STRBP: variants seen among roughly 807,000 people sequenced by gnomAD.
STRBP encodes spermatid perinuclear RNA-binding protein.
A neutral mutation model predicts 80.1 loss-of-function variants in STRBP; 13 were observed. That is an observed-to-expected ratio of 0.16 (90% confidence interval 0.11 to 0.26). The LOEUF is 0.26. Among genes scored for constraint, STRBP ranks in the 10% least tolerant of loss-of-function variants. STRBP has a pLI of 1.00. For missense variants in STRBP, 485 were observed against 815.2 expected, an observed-to-expected ratio of 0.59 and a Z score of 4.93; for synonymous variants, 284 against 291.2, an observed-to-expected ratio of 0.98 and a Z score of 0.25.
chr9:123,139,732 AC>A, intron 13 of STRBP, 45 bp from the exon 14 acceptor site: 1 of 1,580,044 alleles, frequency 6.3e-7, no homozygotes, highest in Non-Finnish European at 8.6e-7. Context: ...GACACGAGAA[AC>A]CAGAGAATAG....
intron 5 of STRBP, among the ~76,000 whole-genome samples, chr9:123,171,003 G>A (rs980534291): frequency 7.9e-5 from 12 of 151,938 alleles, no homozygotes; most frequent in Non-Finnish European, 1.6e-4. Context: ...GTAGGAAAGG[G>A]AAAACTCATT....
At chr9:123,232,901 C>T (rs1028354323) in intron 2 of STRBP, among the ~76,000 whole-genome samples, 1 of 152,126 alleles carries the variant, frequency 6.6e-6, no homozygotes, top group Admixed American at 6.5e-5. Flanking sequence ...AAATAAAACA[C>T]TACGTTTTTA....
intron 3 of STRBP, among the ~76,000 whole-genome samples, chr9:123,181,789 A>C (rs2038469076): frequency 7.0e-6 from 1 of 142,128 alleles, no homozygotes; most frequent in African/African-American, 2.7e-5. Context: ...AACAAGAGCA[A>C]AACTTCGTCT....
chr9:123,227,567 CTTTT>C (rs113678606), intron 2 of STRBP, among the ~76,000 whole-genome samples: 1 of 113,450 alleles, frequency 8.8e-6, no homozygotes, highest in Non-Finnish European at 1.9e-5. Flanking sequence ...TTTTTTTTTT[CTTTT>C]TTTTTTTTTT....
intron 13 of STRBP, among the ~76,000 whole-genome samples, chr9:123,144,071 G>A (rs555670522): frequency 4.0e-5 from 6 of 151,750 alleles, no homozygotes; most frequent in African/African-American, 1.2e-4. Context: ...GGTGGCAGTC[G>A]CCTGTAATCC....
At chr9:123,146,613 A>G (rs1022450856) in intron 13 of STRBP, among the ~76,000 whole-genome samples, 1 of 150,428 alleles carries the variant, frequency 6.6e-6, no homozygotes, top group African/African-American at 2.5e-5. Flanking sequence ...CTTTGCTTCA[A>G]AAATGTTCAA....
At chr9:123,142,784 T>G (rs1480190306) in intron 13 of STRBP, among the ~76,000 whole-genome samples, 2 of 152,190 alleles carry the variant, frequency 1.3e-5, no homozygotes, top group African/African-American at 4.8e-5. Flanking sequence ...CAGCTCTGGT[T>G]TTCTTTGGCA....
At chr9:123,169,005 G>A (rs1346309047) in intron 6 of STRBP, among the ~76,000 whole-genome samples, 1 of 151,184 alleles carries the variant, frequency 6.6e-6, no homozygotes, top group Admixed American at 6.6e-5. Flanking sequence ...ATGTTAACAG[G>A]GTCACAAACC....
Position 123,268,470 on chromosome 9 carries a change from G to A in STRBP, c.-336C>T. On this transcript the variant is annotated 5_prime_UTR_variant, in exon 1 of 19. Coordinates refer to ENST00000348403, the MANE Select transcript of STRBP (RefSeq NM_018387.5). ...CGCGCTCTGCCCGCGCCCGGTACCC[G>A]CTCCCGCTCCGCCGCCGCCGCCACC... 6.2e-6 allele frequency: 1 copy of A among 161,182 alleles called. No individual in the cohort carries two copies. 10.0% of individuals were successfully genotyped at this position (161,182 alleles called of 1,614,324 possible). A position where few individuals can be genotyped will look rare whatever the true frequency, so the allele number is the denominator to read the frequency against.
intron 11 of STRBP, among the ~76,000 whole-genome samples, chr9:123,153,571 G>T (rs2037151937): frequency 6.6e-6 from 1 of 152,184 alleles, no homozygotes; most frequent in Non-Finnish European, 1.5e-5. Flanking sequence ...GCAACTCAGA[G>T]AATCCTGGCC....
At chr9:123,171,317 G>C (rs1378943715) in intron 5 of STRBP, among the ~76,000 whole-genome samples, 1 of 152,158 alleles carries the variant, frequency 6.6e-6, no homozygotes, top group Non-Finnish European at 1.5e-5. Context: ...CTAGGAAAGA[G>C]TATGAAGAGA....
chr9:123,184,371 T>C (rs887099526), intron 2 of STRBP, 73 bp from the exon 3 acceptor site: 7 of 362,780 alleles, frequency 1.9e-5, no homozygotes, highest in Non-Finnish European at 2.5e-5. Context: ...GTGCAACCCA[T>C]AAACATGTTC....
chr9:123,125,840 T>G (rs922493453), intron 18 of STRBP, among the ~76,000 whole-genome samples, 167 bp from the exon 19 acceptor site: 2 of 152,258 alleles, frequency 1.3e-5, no homozygotes, highest in African/African-American at 4.8e-5. Context: ...AGATCTATTT[T>G]GAAATTGCTC....
rs2035894500 is a variant in STRBP at position 123,126,381 on chromosome 9, A to G, written c.1943-708T>C. Among the ~76,000 whole-genome samples, 1 of 152,236 alleles carries G rather than the reference A, an allele frequency of 6.6e-6. No homozygotes were observed. The highest frequency in any genetic ancestry group is 2.4e-5 in the African/African-American group (1 of 41,458). ...AGGCCAAAAGACATATTTACCTTACAGCCAAAATAAAGCATCGTTTTAGTA... is the reference window on the plus strand; with the variant it reads ...AGGCCAAAAGACATATTTACCTTACGGCCAAAATAAAGCATCGTTTTAGTA... On this transcript the variant is annotated intron_variant, in intron 18 of 18. Transcript: ENST00000348403. The surrounding 1 kb of genome is among the most constrained non-coding windows in gnomAD (Gnocchi z 4.4).
At chr9:123,168,955 G>C (rs1373198886) in intron 6 of STRBP, among the ~76,000 whole-genome samples, 1 of 152,100 alleles carries the variant, frequency 6.6e-6, no homozygotes, top group Middle Eastern at 3.2e-3. Context: ...TCAGAAGAAA[G>C]TTAGTTTAAA....
chr9:123,231,967 A>G (rs2040410876), intron 2 of STRBP, among the ~76,000 whole-genome samples: 1 of 152,202 alleles, frequency 6.6e-6, no homozygotes, highest in Admixed American at 6.5e-5. Flanking sequence ...CTGTTCTTCT[A>G]TAAGGAATAT....
chr9:123,179,348 ACTGAAACAAG>A, intron 3 of STRBP, 121 bp from the exon 4 acceptor site: 2 of 827,048 alleles, frequency 2.4e-6, no homozygotes, highest in Non-Finnish European at 3.6e-6. Flanking sequence ...AACAGTTAAT[ACTGAAACAAG>A]AAAAAACTGC....
At chr9:123,248,856 C>T (rs114267544) in intron 1 of STRBP, among the ~76,000 whole-genome samples, 295 of 152,308 alleles carry the variant, frequency 1.9e-3, no homozygotes, top group African/African-American at 6.9e-3. Context: ...ATATGTCTTA[C>T]CCCTTCAGCT....
In STRBP at chr9:123,249,119, T is replaced by A. The variant is rs530806966; in HGVS notation, c.-301-12153A>T. 4.9e-4 allele frequency among the ~76,000 whole-genome samples: 75 copies of A among 152,358 alleles called. 1 individual carries two copies. Among genetic ancestry groups the A allele is most frequent in the Non-Finnish European group, 9.0e-4 (61 of 68,034 alleles). On this transcript the variant is annotated intron_variant, in intron 1 of 18. Coordinates refer to ENST00000348403, the MANE Select transcript of STRBP (RefSeq NM_018387.5). ...TAGGCCAAGCCACATGGCTCTCACC[T>A]GTAATCCCAACACCTTGGGAGGCTG...
Sources: allele counts gnomAD v4.1 joint callset (sites outside exome capture counted in the v4.1 genomes callset), GRCh38; gene constraint gnomAD v4.1.1; non-coding constraint Gnocchi (gnomAD v3.1); transcripts MANE v1.5; gene names NCBI Gene and HGNC (gene_info 2026-07-23, HGNC 2026-07-21).